Variants in MREG observed in about 807,000 individuals in gnomAD.
MREG encodes melanoregulin.
A neutral mutation model predicts 28.5 loss-of-function variants in MREG; 31 were observed. That is an observed-to-expected ratio of 1.09 (90% CI 0.82 to 1.47). The LOEUF (loss-of-function observed/expected upper bound fraction) is 1.47, where lower values mean the gene tolerates loss of function less well. MREG is among the 40% of genes most tolerant of loss of function. The pLI, the probability that MREG is intolerant of heterozygous loss-of-function variation, is 0.00. For missense variants in MREG, 256 were observed against 257.4 expected, an observed-to-expected ratio of 0.99 and a Z score of 0.04; for synonymous variants, 106 against 95.2, an observed-to-expected ratio of 1.11 and a Z score of -0.66.
intron 1 of MREG, among the ~76,000 whole-genome samples, chr2:216,000,978 A>C (rs1282356642): frequency 1.3e-5 from 2 of 151,792 alleles, no homozygotes; most frequent in African/African-American, 4.8e-5. Flanking sequence ...ACCCTCTCAC[A>C]ACCTCTCTCT....
chr2:215,989,710 T>C (rs535437091), intron 2 of MREG, among the ~76,000 whole-genome samples: 1 of 151,938 alleles, frequency 6.6e-6, no homozygotes, highest in African/African-American at 2.4e-5. Flanking sequence ...AATGACCTAA[T>C]GGAGGTGAAA....
intron 2 of MREG, among the ~76,000 whole-genome samples, chr2:215,990,420 G>A (rs1290266025): frequency 5.9e-5 from 9 of 152,098 alleles, no homozygotes; most frequent in African/African-American, 1.7e-4. Flanking sequence ...AGGAAAAACC[G>A]GTACCAGCCA....
intron 1 of MREG, among the ~76,000 whole-genome samples, chr2:216,030,956 T>TCACACA (rs1219074422): frequency 3.4e-4 from 39 of 113,308 alleles, no homozygotes; most frequent in Middle Eastern, 3.8e-3. Flanking sequence ...TCTCTCTCTC[T>TCACACA]CACACACACA....
At chr2:216,005,094 A>T (rs1694114060) in intron 1 of MREG, among the ~76,000 whole-genome samples, 1 of 152,196 alleles carries the variant, frequency 6.6e-6, no homozygotes, top group Admixed American at 6.5e-5. Flanking sequence ...GCTGACTTTA[A>T]ACCATACTTA....
intron 2 of MREG, among the ~76,000 whole-genome samples, chr2:215,959,077 C>A (rs1692712146): frequency 6.6e-6 from 1 of 152,112 alleles, no homozygotes. Context: ...GCTCTCTTCC[C>A]TCTGCTGGTT....
At chr2:215,969,333 C>T (rs535736189) in intron 2 of MREG, among the ~76,000 whole-genome samples, 34 of 152,310 alleles carry the variant, frequency 2.2e-4, no homozygotes, top group African/African-American at 8.2e-4. Flanking sequence ...TGCCAAAGCA[C>T]TGACCCATGA....
chr2:215,949,260 TAAA>T (rs78715040), intron 2 of MREG, among the ~76,000 whole-genome samples: 1 of 129,314 alleles, frequency 7.7e-6, no homozygotes. Context: ...GACTTTGTCT[TAAA>T]AAAAAAAAAA....
chr2:216,023,615 A>T (rs996373415), intron 1 of MREG, among the ~76,000 whole-genome samples: 3 of 152,180 alleles, frequency 2.0e-5, no homozygotes, highest in Admixed American at 6.5e-5. Context: ...CTTAAATAAT[A>T]TAAGGGAAGC....
At chr2:216,013,150 A>T in intron 1 of MREG, 83 bp downstream of exon 1, 1 of 1,246,604 alleles carries the variant, frequency 8.0e-7, no homozygotes, top group Non-Finnish European at 1.1e-6. Flanking sequence ...TCCCCAACTC[A>T]CACAAGCACA....
At chr2:215,940,279 AC>A (rs1326386108), downstream of MREG, among the ~76,000 whole-genome samples, 1 of 152,208 alleles carries the variant, frequency 6.6e-6, no homozygotes, top group African/African-American at 2.4e-5. Context: ...CAAAGTGGCT[AC>A]CCATTTTCAT....
At chr2:216,031,087 A>C (rs982442220) in intron 1 of MREG, among the ~76,000 whole-genome samples, 1 of 151,818 alleles carries the variant, frequency 6.6e-6, no homozygotes, top group East Asian at 1.9e-4. Flanking sequence ...TCATTCCTCC[A>C]AGTAAAATGG....
At position 215,996,398 on chromosome 2, in the gene MREG, T is replaced by C. The variant is rs776657074; in HGVS notation, c.163A>G (p.Met55Val). The C allele has an allele frequency of 5.0e-6, 8 of 1,613,390 alleles. No homozygotes were observed. Among genetic ancestry groups the C allele is most frequent in the Non-Finnish European group, 5.9e-6 (7 of 1,179,296 alleles). The change falls in exon 2 of 5, where the codon ATG becomes GTG. Residue 55 changes from methionine to valine, a missense_variant. Coordinates refer to ENST00000263268, the MANE Select transcript of MREG (RefSeq NM_018000.3). ...TCTGTGTGGGACACATCATGGGGCA[T>C]ACTCCATAAATTCTTCTCATCATCC... ...VRDDEKNLWS[M>V]PHDVSHTEAD...
chr2:215,951,626 T>G (rs961042246), intron 2 of MREG, among the ~76,000 whole-genome samples: 9 of 152,188 alleles, frequency 5.9e-5, no homozygotes, highest in Non-Finnish European at 1.0e-4. Context: ...ATAAGATACC[T>G]GAGAACAAGT....
At chr2:215,987,299 G>A (rs1434074938) in intron 2 of MREG, among the ~76,000 whole-genome samples, 1 of 149,462 alleles carries the variant, frequency 6.7e-6, no homozygotes, top group Admixed American at 6.7e-5. Context: ...AGGCCAGAGT[G>A]CAGTGGCGTG....
At chr2:215,972,673 A>C (rs1693136470) in intron 2 of MREG, among the ~76,000 whole-genome samples, 1 of 151,874 alleles carries the variant, frequency 6.6e-6, no homozygotes, top group South Asian at 2.1e-4. Context: ...GGATATGTTC[A>C]TGACCTTGAT....
intron 1 of MREG, among the ~76,000 whole-genome samples, chr2:215,999,952 G>A (rs564134198): frequency 1.1e-3 from 172 of 152,312 alleles, no homozygotes; most frequent in African/African-American, 3.9e-3. Context: ...ATGGTCTTAC[G>A]GGATTTGGAG....
At chr2:216,023,098 AG>A (rs1694549882) in intron 1 of MREG, among the ~76,000 whole-genome samples, 1 of 152,232 alleles carries the variant, frequency 6.6e-6, no homozygotes, top group Non-Finnish European at 1.5e-5. Context: ...TCGACAGGCC[AG>A]AACCCTGCAA....
At chr2:216,031,672 AAAGAAAGAAAGAAAGAAAG>A (rs1261094200) in intron 1 of MREG, among the ~76,000 whole-genome samples, 20 of 76,874 alleles carry the variant, frequency 2.6e-4, no homozygotes, top group African/African-American at 1.0e-3. Context: ...AGAAAGAAAG[AAAGAAAGAAAGAAAGAAAG>A]AGAAAGAAAG....
chr2:215,974,404 A>C (rs1319631026), intron 2 of MREG, among the ~76,000 whole-genome samples: 1 of 152,150 alleles, frequency 6.6e-6, no homozygotes. Flanking sequence ...GCCAGAAAGC[A>C]AGCCCAGTGT....
Sources: gnomAD v4.1 joint callset for allele counts (sites outside exome capture counted in the v4.1 genomes callset) on GRCh38, gnomAD v4.1.1 for gene constraint, MANE v1.5 for transcripts, NCBI Gene and HGNC (gene_info 2026-07-23, HGNC 2026-07-21) for gene names.